SAMSN1: variants seen among roughly 807,000 people sequenced by gnomAD.
SAMSN1 encodes SAM domain, SH3 domain and nuclear localization signals 1.
A neutral mutation model predicts 42.0 loss-of-function variants in SAMSN1; 31 were observed. The observed-to-expected ratio is 0.74, with a 90% confidence interval of 0.55 to 1.00. SAMSN1 has a LOEUF of 1.00. Ranked by LOEUF, SAMSN1 falls within the 50% of genes least tolerant of loss-of-function variation. The pLI is 0.00. For missense variants in SAMSN1, 464 were observed against 439.4 expected, an observed-to-expected ratio of 1.06 and a Z score of -0.50; for synonymous variants, 178 against 151.9, an observed-to-expected ratio of 1.17 and a Z score of -1.26.
At chr21:14,492,246 A>T (rs960808299) in intron 7 of SAMSN1, among the ~76,000 whole-genome samples, 3 of 152,222 alleles carry the variant, frequency 2.0e-5, no homozygotes, top group Non-Finnish European at 2.9e-5. Context: ...CCAAAAATGT[A>T]CTTATTTACA....
chr21:14,571,457 A>G (rs1324045332), intron 2 of SAMSN1, among the ~76,000 whole-genome samples: 2 of 152,162 alleles, frequency 1.3e-5, no homozygotes, highest in African/African-American at 2.4e-5. Context: ...GAACCATGAG[A>G]TGCATAAAGA....
chr21:14,494,570 T>A (rs1014105103), intron 7 of SAMSN1, among the ~76,000 whole-genome samples: 2 of 151,958 alleles, frequency 1.3e-5, no homozygotes, highest in Non-Finnish European at 2.9e-5. Context: ...GGTGGGGGGC[T>A]AGGGGAAGGA....
intron 2 of SAMSN1, among the ~76,000 whole-genome samples, chr21:14,571,543 G>A (rs1181088307): frequency 1.3e-5 from 2 of 152,128 alleles, no homozygotes; most frequent in African/African-American, 4.8e-5. Context: ...GAAGGAGAGG[G>A]AACATGAATT....
intron 7 of SAMSN1, among the ~76,000 whole-genome samples, chr21:14,495,291 G>A (rs982259869): frequency 6.6e-6 from 1 of 152,142 alleles, no homozygotes; most frequent in East Asian, 1.9e-4. Flanking sequence ...GTAGAAAATA[G>A]ATAAAAATAA....
At chr21:14,651,274 A>G (rs1363683191) in intron 1 of SAMSN1, among the ~76,000 whole-genome samples, 1 of 152,008 alleles carries the variant, frequency 6.6e-6, no homozygotes, top group Non-Finnish European at 1.5e-5. Context: ...ATTAATGCAA[A>G]ACTCCTCAAC....
At chr21:14,588,602 C>G (rs1981994262) in intron 7 of SAMSN1, among the ~76,000 whole-genome samples, 1 of 152,210 alleles carries the variant, frequency 6.6e-6, no homozygotes, top group African/African-American at 2.4e-5. Context: ...GAACTGACCT[C>G]TAGAACTATG....
At position 14,594,304 on chromosome 21, in the gene SAMSN1, T is replaced by C. The variant is rs570080050; in HGVS notation, c.400-226A>G. On this transcript the variant is annotated intron_variant, in intron 6 of 15. Transcript: ENST00000647101. ...ATGGAATATGTGTATGTATACATAG[T>C]ATATACACATTATATATCCATATAT... 2.4e-4 allele frequency among the ~76,000 whole-genome samples: 36 copies of C among 152,272 alleles called. 1 individual carries two copies. Among genetic ancestry groups the C allele is most frequent in the African/African-American group, 8.2e-4 (34 of 41,548 alleles).
At position 14,500,685 on chromosome 21, in the gene SAMSN1, T is replaced by A. The variant is rs767249111; in HGVS notation, c.612A>T (p.Thr204=). 6.2e-6 allele frequency: 10 copies of A among 1,614,166 alleles called. No homozygotes were observed. Among genetic ancestry groups the A allele is most frequent in the Non-Finnish European group, 8.5e-6 (10 of 1,180,006 alleles). The change falls in exon 6 of 8, where the codon ACA becomes ACT. Residue 204 remains threonine, a synonymous_variant. Coordinates refer to ENST00000400566, the MANE Select transcript of SAMSN1 (RefSeq NM_022136.5). ...TTCCCACTTTATTGTTCAACATTCC[T>A]GTCCACATCCCCATTGGTGTTTTGC... ...IICKTPMGMW[T]GMLNNKVGNF...
intron 5 of SAMSN1, among the ~76,000 whole-genome samples, chr21:14,605,807 G>GATTGATTT (rs781720350): frequency 1.4e-5 from 2 of 143,976 alleles, no homozygotes; most frequent in Non-Finnish European, 3.0e-5. Context: ...ATGTAAAGAA[G>GATTGATTT]ATTTATTTAT....
chr21:14,554,761 C>T (rs559051091), intron 2 of SAMSN1, among the ~76,000 whole-genome samples: 56 of 148,728 alleles, frequency 3.8e-4, no homozygotes, highest in African/African-American at 1.4e-3. Context: ...TGCAGTGGCA[C>T]AATCATGGCT....
At chr21:14,525,191 A>G (rs1332606327) in intron 1 of SAMSN1, among the ~76,000 whole-genome samples, 2 of 152,356 alleles carry the variant, frequency 1.3e-5, no homozygotes, top group East Asian at 3.9e-4. Flanking sequence ...CTAAAATCAC[A>G]CAAAAGGAGA....
At chr21:14,562,607 A>G (rs1168616948) in intron 2 of SAMSN1, among the ~76,000 whole-genome samples, 1 of 151,430 alleles carries the variant, frequency 6.6e-6, no homozygotes, top group Non-Finnish European at 1.5e-5. Flanking sequence ...TGATATTTTT[A>G]TGATTAAAAA....
At chr21:14,490,908 T>A (rs529920477) in intron 7 of SAMSN1, among the ~76,000 whole-genome samples, 1 of 152,248 alleles carries the variant, frequency 6.6e-6, no homozygotes, top group African/African-American at 2.4e-5. Context: ...AGAGGCATAC[T>A]CACTCAAGAT....
intron 2 of SAMSN1, chr21:14,582,060 C>A: frequency 7.5e-7 from 1 of 1,330,130 alleles, no homozygotes; most frequent in Non-Finnish European, 1.0e-6. Flanking sequence ...CTGATTAGCA[C>A]TTTTGCTATC....
intron 1 of SAMSN1, among the ~76,000 whole-genome samples, chr21:14,657,911 C>CT (rs1983941886): frequency 6.6e-6 from 1 of 151,900 alleles, no homozygotes; most frequent in Admixed American, 6.6e-5. Context: ...ATCTCTACTG[C>CT]TTATGTTAAT....
chr21:14,553,096 T>C (rs1980651595), intron 2 of SAMSN1, among the ~76,000 whole-genome samples: 1 of 152,074 alleles, frequency 6.6e-6, no homozygotes, highest in Non-Finnish European at 1.5e-5. Context: ...AGATAATATA[T>C]TTTCTTGATT....
At chr21:14,543,093 A>G (rs1015722332) in intron 1 of SAMSN1, among the ~76,000 whole-genome samples, 2 of 152,244 alleles carry the variant, frequency 1.3e-5, no homozygotes, top group Admixed American at 6.5e-5. Flanking sequence ...ATCTGTATAC[A>G]GTAGAGAGTT....
chr21:14,522,566 G>A (rs1259346604), intron 1 of SAMSN1, among the ~76,000 whole-genome samples: 1 of 152,082 alleles, frequency 6.6e-6, no homozygotes, highest in Non-Finnish European at 1.5e-5. Context: ...CTCGGAAATT[G>A]CTACCTTAAG....
intron 4 of SAMSN1, chr21:14,612,661 C>T (rs2822809): frequency 8.1e-6 from 5 of 616,832 alleles, no homozygotes; most frequent in African/African-American, 5.4e-5. Context: ...TAAATATAAA[C>T]GGAAAATATT....
Sources: gnomAD v4.1 joint callset for allele counts (sites outside exome capture counted in the v4.1 genomes callset) on GRCh38, gnomAD v4.1.1 for gene constraint, MANE v1.5 for transcripts, NCBI Gene and HGNC (gene_info 2026-07-23, HGNC 2026-07-21) for gene names.